Variants in DYTN observed in about 807,000 individuals in gnomAD.
DYTN encodes dystrotelin.
DYTN carries 75 observed loss-of-function variants against 69.6 expected under a neutral mutation model. The observed-to-expected ratio is 1.08, with a 90% CI of 0.89 to 1.31. The LOEUF (loss-of-function observed/expected upper bound fraction) is 1.31, where lower values mean the gene tolerates loss of function less well. Ranked by LOEUF, DYTN falls within the 50% of genes most tolerant of loss-of-function variation. DYTN has a pLI of 0.00. For synonymous variants in DYTN, 252 were observed against 249.1 expected, an observed-to-expected ratio of 1.01 and a Z score of -0.11; for missense variants, 726 against 688.4, an observed-to-expected ratio of 1.05 and a Z score of -0.61.
At position 206,710,595 on chromosome 2, in the gene DYTN, G is replaced by A; in HGVS notation, c.23C>T (p.Ala8Val). Reference sequence around the variant, plus strand: ...AATGGAATTCTCAATACTATTAAGAGCATCTGTAAAGAAAACGTAAAATAT... The same window carrying A: ...AATGGAATTCTCAATACTATTAAGAACATCTGTAAAGAAAACGTAAAATAT... Reference protein sequence around the residue: MDPDKQDALNSIENSIYR... With the variant: MDPDKQDVLNSIENSIYR... Residue 8 changes from alanine to valine, a missense_variant, in exon 2 of 12, where the codon GCT becomes GTT. Ala to Val is a moderately conservative substitution (Grantham distance 64). Transcript: ENST00000452335. The A allele has an allele frequency of 6.2e-7, 1 of 1,601,880 alleles. No individual in the cohort carries two copies. The highest frequency in any genetic ancestry group is 8.5e-7 in the Non-Finnish European group (1 of 1,173,268).
Position 206,693,337 on chromosome 2 carries a change from C to CATTTTTAA in DYTN, c.832-15_832-14insTTAAAAAT, listed in dbSNP as rs1224815143. The CATTTTTAA allele has an allele frequency of 5.0e-6, 8 of 1,608,310 alleles. No homozygotes were observed. Among genetic ancestry groups the CATTTTTAA allele is most frequent in the Non-Finnish European group, 3.4e-6 (4 of 1,178,978 alleles). Reference sequence around the variant, plus strand: ...CATTGCTGACATCTGCTGAAAGGGCCAACATTTTTAAAAAGCGTCAGATCA... The same window carrying CATTTTTAA: ...CATTGCTGACATCTGCTGAAAGGGCCATTTTTAAAACATTTTTAAAAAGCGTCAGATCA... On this transcript the variant is annotated splice_polypyrimidine_tract_variant and intron_variant, in intron 8 of 11. Coordinates refer to ENST00000452335, the MANE Select transcript of DYTN (RefSeq NM_001093730.1).
chr2:206,672,456 C>T (rs898763301), intron 9 of DYTN, among the ~76,000 whole-genome samples: 1 of 152,142 alleles, frequency 6.6e-6, no homozygotes, highest in African/African-American at 2.4e-5. Context: ...CTTATTTGTC[C>T]TCATACATCA....
intron 1 of DYTN, 76 bp downstream of exon 1, chr2:206,718,185 A>C: frequency 6.9e-7 from 1 of 1,445,402 alleles, no homozygotes; most frequent in Non-Finnish European, 9.3e-7. Flanking sequence ...TTCAAATCAG[A>C]GGTCTGAAAA....
intron 11 of DYTN, among the ~76,000 whole-genome samples, chr2:206,654,652 C>G (rs778737890): frequency 6.6e-6 from 1 of 152,158 alleles, no homozygotes. Flanking sequence ...GCTCAAGGGT[C>G]AACTCTGTAT....
At position 206,651,930 on chromosome 2, in the gene DYTN, A is replaced by T; in HGVS notation, c.1634-9T>A. On this transcript the variant is annotated splice_polypyrimidine_tract_variant and intron_variant, in intron 11 of 11. Transcript: ENST00000452335. ...TACTGAAGACTCCGGGCCTGAAATCAACAAACAAGAGAGTCATTTAGAGAA... is the reference window on the plus strand; with the variant it reads ...TACTGAAGACTCCGGGCCTGAAATCTACAAACAAGAGAGTCATTTAGAGAA... 1 of 1,608,546 alleles carries T rather than the reference A, an allele frequency of 6.2e-7. No individual in the cohort carries two copies. The highest frequency in any genetic ancestry group is 8.5e-7 in the Non-Finnish European group (1 of 1,176,944).
chr2:206,700,299 C>T, intron 5 of DYTN, 83 bp from the exon 6 acceptor site: 1 of 1,470,772 alleles, frequency 6.8e-7, no homozygotes, highest in Non-Finnish European at 9.5e-7. Context: ...GAGCTGGTGC[C>T]CACGGCTGTG....
chr2:206,678,707 T>G (rs1699717898), intron 9 of DYTN, among the ~76,000 whole-genome samples: 1 of 152,342 alleles, frequency 6.6e-6, no homozygotes, highest in Non-Finnish European at 1.5e-5. Context: ...TAGTCTAAGC[T>G]AATTTTAAAA....
At chr2:206,699,195 A>T (rs1699950672) in intron 7 of DYTN, among the ~76,000 whole-genome samples, 1 of 152,208 alleles carries the variant, frequency 6.6e-6, no homozygotes, top group Non-Finnish European at 1.5e-5. Context: ...ATGCTTTGGG[A>T]GGCTGAGGCA....
At chr2:206,658,934 T>G (rs1574585429) in intron 11 of DYTN, among the ~76,000 whole-genome samples, 2 of 150,014 alleles carry the variant, frequency 1.3e-5, no homozygotes, top group Middle Eastern at 7.0e-3. Flanking sequence ...GCAAGAAATT[T>G]TACTATCAAA....
At chr2:206,677,004 C>T (rs116322383) in intron 9 of DYTN, among the ~76,000 whole-genome samples, 11,484 of 152,120 alleles carry the variant, frequency 0.075, 526 homozygotes, top group Admixed American at 0.14. Context: ...TGGAGTGCAG[C>T]GGTGTGATCT....
At chr2:206,671,236 T>C (rs1272250933) in intron 9 of DYTN, among the ~76,000 whole-genome samples, 1 of 152,160 alleles carries the variant, frequency 6.6e-6, no homozygotes, top group Admixed American at 6.5e-5. Flanking sequence ...GTGGCTACAA[T>C]CTGCAGTCTT....
chr2:206,679,672 C>G (rs1052811185), intron 9 of DYTN, among the ~76,000 whole-genome samples: 1 of 152,126 alleles, frequency 6.6e-6, no homozygotes, highest in African/African-American at 2.4e-5. Context: ...ACTCCTGATT[C>G]CAGATAATTC....
At chr2:206,715,550 T>G (rs57208670) in intron 1 of DYTN, among the ~76,000 whole-genome samples, 36,522 of 152,138 alleles carry the variant, frequency 0.24, 4,688 homozygotes, top group African/African-American at 0.32. Flanking sequence ...AGAAGAGATG[T>G]TCACTCAGCA....
chr2:206,692,516 C>T (rs1699876097), intron 9 of DYTN, among the ~76,000 whole-genome samples: 1 of 152,070 alleles, frequency 6.6e-6, no homozygotes, highest in African/African-American at 2.4e-5. Flanking sequence ...TGAGTTTTCC[C>T]TTAATAAAAA....
At chr2:206,685,365 G>T (rs13399560) in intron 9 of DYTN, among the ~76,000 whole-genome samples, 13,137 of 151,638 alleles carry the variant, frequency 0.087, 1,904 homozygotes, top group African/African-American at 0.3. Flanking sequence ...ATCTCTCTAT[G>T]TTGCCCAGGC....
At chr2:206,695,846 A>G (rs1427764550) in intron 7 of DYTN, among the ~76,000 whole-genome samples, 1 of 152,240 alleles carries the variant, frequency 6.6e-6, no homozygotes, top group African/African-American at 2.4e-5. Flanking sequence ...CTGGACATAC[A>G]GTTCTGAGCT....
intron 9 of DYTN, among the ~76,000 whole-genome samples, chr2:206,677,989 C>CG (rs1198427506): frequency 8.1e-5 from 11 of 135,486 alleles, no homozygotes; most frequent in African/African-American, 2.7e-4. Flanking sequence ...GACTCCATCT[C>CG]AAAAAAAAAA....
chr2:206,697,248 TG>T (rs1458166912), intron 7 of DYTN, among the ~76,000 whole-genome samples: 4 of 152,192 alleles, frequency 2.6e-5, no homozygotes, highest in Non-Finnish European at 5.9e-5. Flanking sequence ...GTAATGAGAT[TG>T]GCCTGTTGTT....
intron 7 of DYTN, among the ~76,000 whole-genome samples, chr2:206,697,174 C>A (rs1699928331): frequency 6.6e-6 from 1 of 152,124 alleles, no homozygotes; most frequent in African/African-American, 2.4e-5. Context: ...GCTGCTCTAT[C>A]CTTAAATTTG....
Sources: allele counts gnomAD v4.1 joint callset (sites outside exome capture counted in the v4.1 genomes callset), GRCh38; gene constraint gnomAD v4.1.1; transcripts MANE v1.5; gene names NCBI Gene and HGNC (gene_info 2026-07-23, HGNC 2026-07-21).